The following PPM1E variants were observed in gnomAD, a reference collection of about 807,000 sequenced individuals.
PPM1E encodes protein phosphatase 1E.
In PPM1E, 20 loss-of-function variants were observed where a neutral mutation model predicts 65.9. The observed-to-expected ratio is 0.30, with a 90% CI of 0.21 to 0.44. The LOEUF (loss-of-function observed/expected upper bound fraction) is 0.44, where lower values mean the gene tolerates loss of function less well. Among genes scored for constraint, PPM1E ranks in the 20% least tolerant of loss-of-function variants. The pLI is 1.00. For synonymous variants in PPM1E, 352 were observed against 374.9 expected, an observed-to-expected ratio of 0.94 and a Z score of 0.70; for missense variants, 713 against 953.1, an observed-to-expected ratio of 0.75 and a Z score of 3.32.
rs575003349 is a variant in PPM1E at position 58,775,221 on chromosome 17, G to A, written c.464+18760G>A. 4.6e-5 allele frequency among the ~76,000 whole-genome samples: 7 copies of A among 152,182 alleles called. No homozygotes were observed. The East Asian group carries it at 1.4e-3, about 29-fold the overall frequency. On this transcript the variant is annotated intron_variant, in intron 1 of 6. Transcript: ENST00000308249. ...AATAATGCTTGTAATGTAGAACACT[G>A]GTCCAAGTATTTTACATACATTAAT...
intron 6 of PPM1E, among the ~76,000 whole-genome samples, chr17:58,978,843 G>C (rs1010773722): frequency 2.0e-5 from 3 of 152,212 alleles, no homozygotes; most frequent in African/African-American, 7.2e-5. Context: ...AATGGATTTG[G>C]AAGTGCTCTG....
At chr17:58,940,980 G>A (rs1253886422) in intron 1 of PPM1E, among the ~76,000 whole-genome samples, 1 of 152,198 alleles carries the variant, frequency 6.6e-6, no homozygotes, top group African/African-American at 2.4e-5. Context: ...CAAAGTGTTG[G>A]GATTACAGGC....
intron 1 of PPM1E, among the ~76,000 whole-genome samples, chr17:58,818,686 T>A (rs2050450588): frequency 6.6e-6 from 1 of 152,248 alleles, no homozygotes; most frequent in Non-Finnish European, 1.5e-5. Flanking sequence ...TTGGTTTAAA[T>A]TTATTACTGA....
At chr17:58,790,625 A>G (rs2050148023) in intron 1 of PPM1E, among the ~76,000 whole-genome samples, 1 of 152,096 alleles carries the variant, frequency 6.6e-6, no homozygotes, top group African/African-American at 2.4e-5. Flanking sequence ...ATTTTTCTTG[A>G]GATAATCCCT....
chr17:58,755,938 C>CT lies in PPM1E; in HGVS notation c.-58dup, dbSNP rs994721199. Reference sequence around the variant, plus strand: ...GGAGCCCTAGGCTCAAAAGCAGCCCCTTACCCTTCCTGGGCTTCCCCCAAC... The same window carrying CT: ...GGAGCCCTAGGCTCAAAAGCAGCCCCTTTACCCTTCCTGGGCTTCCCCCAAC... On this transcript the variant is annotated 5_prime_UTR_variant, in exon 1 of 7. Coordinates refer to ENST00000308249, the MANE Select transcript of PPM1E (RefSeq NM_014906.5). The CT allele has an allele frequency of 6.2e-7, 1 of 1,608,256 alleles. No individual in the cohort carries two copies. The highest frequency in any genetic ancestry group is 1.3e-5 in the African/African-American group (1 of 74,808).
chr17:58,866,869 C>G (rs962326692), intron 1 of PPM1E, among the ~76,000 whole-genome samples: 2 of 152,162 alleles, frequency 1.3e-5, no homozygotes, highest in Non-Finnish European at 2.9e-5. Flanking sequence ...CTCAGGACCA[C>G]TAGAAGTCTC....
intron 1 of PPM1E, among the ~76,000 whole-genome samples, chr17:58,951,848 A>G (rs1170500080): frequency 6.6e-6 from 1 of 152,116 alleles, no homozygotes; most frequent in Non-Finnish European, 1.5e-5. Context: ...CTGGCATTTT[A>G]TATATTCCTT....
intron 1 of PPM1E, among the ~76,000 whole-genome samples, chr17:58,798,202 T>C (rs1235080694): frequency 2.0e-5 from 3 of 152,050 alleles, no homozygotes; most frequent in African/African-American, 7.2e-5. Context: ...GCAAATATTT[T>C]CTTCTGTGTG....
chr17:58,812,600 C>T (rs1255183760), intron 1 of PPM1E, among the ~76,000 whole-genome samples: 2 of 152,106 alleles, frequency 1.3e-5, no homozygotes, highest in Non-Finnish European at 2.9e-5. Flanking sequence ...CATGCTCTGT[C>T]GCCCGTGTTG....
At chr17:58,827,067 A>T (rs899299058) in intron 1 of PPM1E, among the ~76,000 whole-genome samples, 4 of 150,726 alleles carry the variant, frequency 2.7e-5, no homozygotes, top group African/African-American at 9.8e-5. Context: ...TCTGCTGGCT[A>T]GGGTTGAGGG....
chr17:58,899,920 T>G (rs1408902529), intron 1 of PPM1E, among the ~76,000 whole-genome samples: 1 of 151,412 alleles, frequency 6.6e-6, no homozygotes, highest in African/African-American at 2.4e-5. Flanking sequence ...CTAAACAGAA[T>G]GCAGTGGTGG....
At chr17:58,907,346 T>C (rs952900736) in intron 1 of PPM1E, among the ~76,000 whole-genome samples, 1 of 152,222 alleles carries the variant, frequency 6.6e-6, no homozygotes, top group African/African-American at 2.4e-5. Context: ...TGCTGTGATC[T>C]GAATAAGACA....
intron 6 of PPM1E, among the ~76,000 whole-genome samples, chr17:58,975,302 T>G (rs752185597): frequency 6.6e-6 from 1 of 152,204 alleles, no homozygotes; most frequent in Non-Finnish European, 1.5e-5. Flanking sequence ...AATACCAGCT[T>G]CTTCTTCTAA....
At chr17:58,779,906 A>G (rs1370911129) in intron 1 of PPM1E, among the ~76,000 whole-genome samples, 1 of 152,148 alleles carries the variant, frequency 6.6e-6, no homozygotes, top group Non-Finnish European at 1.5e-5. Context: ...GTCTTTTCAG[A>G]TCAACATGTA....
chr17:58,756,885 C>T (rs1369151304), intron 1 of PPM1E, among the ~76,000 whole-genome samples: 2 of 152,220 alleles, frequency 1.3e-5, no homozygotes, highest in African/African-American at 4.8e-5. Flanking sequence ...TTCCTCCCAC[C>T]CCAGTCTGTC....
chr17:58,782,664 G>A (rs1009298098), intron 1 of PPM1E, among the ~76,000 whole-genome samples: 21 of 151,104 alleles, frequency 1.4e-4, no homozygotes, highest in Admixed American at 7.3e-4. Flanking sequence ...TGTCCACCTC[G>A]GCCTCCCAAA....
intron 1 of PPM1E, among the ~76,000 whole-genome samples, chr17:58,778,927 CATATATATATATATATATATATATAT>C (rs59563297): frequency 9.6e-6 from 1 of 103,710 alleles, no homozygotes; most frequent in Non-Finnish European, 2.0e-5. Context: ...ATGATACATA[CATATATATATATATATATATATATAT>C]ATATATATGT....
At chr17:58,937,297 T>G in intron 1 of PPM1E, among the ~76,000 whole-genome samples, 1 of 140,790 alleles carries the variant, frequency 7.1e-6, no homozygotes, top group South Asian at 2.5e-4. Context: ...GGAGTCTCAC[T>G]CTGTTGCCCA....
At chr17:58,979,310 TAGAA>T (rs2031224171) in intron 6 of PPM1E, among the ~76,000 whole-genome samples, 1 of 152,176 alleles carries the variant, frequency 6.6e-6, no homozygotes, top group Non-Finnish European at 1.5e-5. Flanking sequence ...CACTAAAAAA[TAGAA>T]AGCCAAGTGG....
Sources: gnomAD v4.1 joint callset for allele counts (sites outside exome capture counted in the v4.1 genomes callset) on GRCh38, gnomAD v4.1.1 for gene constraint, MANE v1.5 for transcripts, NCBI Gene and HGNC (gene_info 2026-07-23, HGNC 2026-07-21) for gene names.